Variants in GET1 observed in about 807,000 individuals in gnomAD.
GET1 encodes the protein guided entry of tail-anchored proteins factor 1, also known as congenital heart disease 5 protein.
A neutral mutation model predicts 22.6 loss-of-function variants in GET1; 20 were observed. The observed-to-expected ratio is 0.89, with a 90% CI of 0.62 to 1.29. GET1 has a LOEUF of 1.29. GET1 is among the 50% of genes most tolerant of loss of function. The pLI, the probability that GET1 is intolerant of heterozygous loss-of-function variation, is 0.00. For missense variants in GET1, 209 were observed against 219.9 expected, an observed-to-expected ratio of 0.95 and a Z score of 0.31; for synonymous variants, 92 against 83.8, an observed-to-expected ratio of 1.10 and a Z score of -0.53.
At chr21:39,406,123 A>G in exon 5 of GET1, 1 of 1,614,242 alleles carries the variant, frequency 6.2e-7, no homozygotes, top group Non-Finnish European at 8.5e-7. Context: ...CTTATCTCTG[A>G]AAGTTGTATC....
At chr21:39,406,268 G>A in exon 5 of GET1, 1 of 1,614,162 alleles carries the variant, frequency 6.2e-7, no homozygotes, top group Non-Finnish European at 8.5e-7. Flanking sequence ...GCATTGGCTG[G>A]CCCCCCTGAA....
At chr21:39,404,260 G>C (rs1399919902) in intron 4 of GET1, among the ~76,000 whole-genome samples, 1 of 152,114 alleles carries the variant, frequency 6.6e-6, no homozygotes, top group East Asian at 1.9e-4. Flanking sequence ...CAGCTAGCTC[G>C]AATAAACACC....
chr21:39,396,138 G>T (rs2038626904), intron 4 of GET1, among the ~76,000 whole-genome samples: 1 of 152,148 alleles, frequency 6.6e-6, no homozygotes, highest in Non-Finnish European at 1.5e-5. Context: ...GCTCACACCT[G>T]TAATCCCAGC....
chr21:39,399,685 C>A (rs959656241), downstream of GET1, among the ~76,000 whole-genome samples: 1 of 152,126 alleles, frequency 6.6e-6, no homozygotes, highest in African/African-American at 2.4e-5. Flanking sequence ...AGGTGATCCA[C>A]CTGCCTCAGG....
downstream of GET1, chr21:39,406,747 CAT>C: frequency 1.5e-6 from 1 of 661,344 alleles, no homozygotes. Flanking sequence ...AAAATAGATG[CAT>C]AGACAAAAGA....
rs1224242149 is a variant in GET1, at chr21:39,393,198, T to G, written c.369T>G (p.Tyr123Ter). 1.2e-6 allele frequency: 2 copies of G among 1,614,084 alleles called. No individual in the cohort carries two copies. Among genetic ancestry groups the G allele is most frequent in the Non-Finnish European group, 8.5e-7 (1 of 1,180,032 alleles). Residue 123 changes from tyrosine to a stop codon, truncating the protein, a stop_gained, in exon 4 of 5, where the codon TAT becomes TAG. Coordinates refer to ENST00000649170, the MANE Select transcript of GET1 (RefSeq NM_004627.6). LOFTEE classifies it high-confidence loss of function. Reference protein sequence around the residue: ...AALMISLIWKYYSVPVAVVPS... With the variant: ...AALMISLIWK ...TGATGATCTCACTCATTTGGAAGTA[T>G]TATTCTGTCCCTGTGGCTGTCGTGC...
At position 39,387,182 on chromosome 21, in the gene GET1, A is replaced by C. The variant is rs2146939763; in HGVS notation, c.103-3516A>C. 2.6e-5 allele frequency among the ~76,000 whole-genome samples: 4 copies of C among 152,254 alleles called. No individual in the cohort carries two copies. The South Asian group carries it at 8.3e-4, about 32-fold the overall frequency. On this transcript the variant is annotated intron_variant, in intron 1 of 4. Transcript: ENST00000649170. Reference sequence around the variant, plus strand: ...AGTTTTTATTGTGCTTATACATGTAATAGATGTAATTATTTTTTCAAGCAC... The same window carrying C: ...AGTTTTTATTGTGCTTATACATGTACTAGATGTAATTATTTTTTCAAGCAC...
At chr21:39,422,650 A>C (rs1408183493) in intron 1 of GET1, 1 of 412,826 alleles carries the variant, frequency 2.4e-6, no homozygotes, top group Non-Finnish European at 4.3e-6. Context: ...AACACAATGC[A>C]ATCTTTTCAG....
chr21:39,419,090 A>C (rs1023323664), intron 1 of GET1, among the ~76,000 whole-genome samples: 1 of 152,104 alleles, frequency 6.6e-6, no homozygotes. Context: ...CCCAGTTCTC[A>C]ATGATACCAA....
intron 1 of GET1, among the ~76,000 whole-genome samples, chr21:39,421,172 G>A (rs953147667): frequency 2.7e-5 from 4 of 149,074 alleles, no homozygotes; most frequent in Admixed American, 2.0e-4. Flanking sequence ...GTGCGATCTC[G>A]GCTCACTGCA....
At chr21:39,417,567 A>G (rs1011483822) in intron 1 of GET1, among the ~76,000 whole-genome samples, 2 of 152,016 alleles carry the variant, frequency 1.3e-5, no homozygotes, top group African/African-American at 4.8e-5. Context: ...GTCCTTTTTC[A>G]GGCTGCTGAT....
chr21:39,382,594 C>T (rs1375295722), intron 1 of GET1, among the ~76,000 whole-genome samples: 2 of 152,190 alleles, frequency 1.3e-5, no homozygotes, highest in Non-Finnish European at 2.9e-5. Flanking sequence ...TCAGGATTTC[C>T]TCCCCTTTTA....
intron 1 of GET1, among the ~76,000 whole-genome samples, chr21:39,386,762 TACAC>T (rs2037932957): frequency 6.6e-6 from 1 of 152,240 alleles, no homozygotes; most frequent in Non-Finnish European, 1.5e-5. Context: ...TATTAAATCT[TACAC>T]TGCATGATTC....
chr21:39,412,375 G>T (rs972109520), intron 1 of GET1, among the ~76,000 whole-genome samples: 2 of 152,086 alleles, frequency 1.3e-5, no homozygotes, highest in African/African-American at 4.8e-5. Flanking sequence ...TGATTTTTTT[G>T]AGTCTTGGCA....
downstream of GET1, among the ~76,000 whole-genome samples, chr21:39,411,334 C>T (rs888047071): frequency 6.6e-6 from 1 of 152,078 alleles, no homozygotes; most frequent in South Asian, 2.1e-4. Flanking sequence ...CACTGAGCTG[C>T]GTGCACACTT....
chr21:39,388,155 G>A (rs1438309315), intron 1 of GET1, among the ~76,000 whole-genome samples: 3 of 151,888 alleles, frequency 2.0e-5, no homozygotes, highest in African/African-American at 7.3e-5. Context: ...CTGGCGGATC[G>A]CTTGAGCTCA....
intron 3 of GET1, among the ~76,000 whole-genome samples, chr21:39,392,652 C>G (rs1457363939): frequency 2.0e-5 from 3 of 152,160 alleles, no homozygotes; most frequent in Non-Finnish European, 4.4e-5. Flanking sequence ...GCATCCCCCA[C>G]CATTGAAACT....
At chr21:39,391,955 TGTCCCTGCCCACATGG>T (rs1297060048) in intron 3 of GET1, 119 bp downstream of exon 3, 1 of 928,714 alleles carries the variant, frequency 1.1e-6, no homozygotes, top group Non-Finnish European at 1.7e-6. Flanking sequence ...TCGTGTCGTG[TGTCCCTGCCCACATGG>T]AGCTCTAAAC....
intron 1 of GET1, among the ~76,000 whole-genome samples, chr21:39,415,417 C>T (rs1267214969): frequency 6.6e-6 from 1 of 152,152 alleles, no homozygotes; most frequent in Non-Finnish European, 1.5e-5. Context: ...CCTCCATGAG[C>T]CCATGAACCA....
Sources: allele counts gnomAD v4.1 joint callset (sites outside exome capture counted in the v4.1 genomes callset), GRCh38; gene constraint gnomAD v4.1.1; transcripts MANE v1.5; gene names NCBI Gene and HGNC (gene_info 2026-07-23, HGNC 2026-07-21).